The following TENM2 variants were observed in gnomAD, a reference collection of about 807,000 sequenced individuals.
TENM2 encodes the protein teneurin transmembrane protein 2.
Under a neutral mutation model 245.2 loss-of-function variants are expected in TENM2, and 52 were observed. That is an observed-to-expected ratio of 0.21 (90% CI 0.17 to 0.27). The LOEUF (loss-of-function observed/expected upper bound fraction) is 0.27, where lower values mean the gene tolerates loss of function less well. TENM2 is among the 10% of genes least tolerant of loss of function. The pLI, the probability that TENM2 is intolerant of heterozygous loss-of-function variation, is 1.00. For missense variants in TENM2, 3,046 were observed against 3,666.8 expected, an observed-to-expected ratio of 0.83 and a Z score of 4.37; for synonymous variants, 1,363 against 1,438.9, an observed-to-expected ratio of 0.95 and a Z score of 1.19.
intron 3 of TENM2, among the ~76,000 whole-genome samples, chr5:167,949,726 T>C (rs1049497108): frequency 6.6e-6 from 1 of 152,178 alleles, no homozygotes; most frequent in African/African-American, 2.4e-5. Context: ...CCCAGTTCTG[T>C]AGATTTTATC....
chr5:167,605,689 A>G (rs888859368), intron 2 of TENM2, among the ~76,000 whole-genome samples: 1 of 152,206 alleles, frequency 6.6e-6, no homozygotes, highest in Admixed American at 6.5e-5. Context: ...AACTGCAGGT[A>G]TATATACATT....
chr5:167,163,057 A>C, the TENM2 span, among the ~76,000 whole-genome samples: 1 of 152,202 alleles, frequency 6.6e-6, no homozygotes, highest in African/African-American at 2.4e-5. Context: ...CTTTGTTCAG[A>C]GGAACCACCA....
chr5:167,777,353 C>A (rs566948450), intron 2 of TENM2, among the ~76,000 whole-genome samples: 4 of 152,204 alleles, frequency 2.6e-5, no homozygotes, highest in Non-Finnish European at 4.4e-5. Flanking sequence ...TAAATTCATA[C>A]AATGAATAAG....
chr5:167,453,808 T>C (rs939557658), intron 2 of TENM2, among the ~76,000 whole-genome samples: 1 of 152,192 alleles, frequency 6.6e-6, no homozygotes. Flanking sequence ...GATTTTCTTC[T>C]GTGGTTATTT....
At chr5:167,709,782 A>G (rs1454095487) in intron 2 of TENM2, among the ~76,000 whole-genome samples, 1 of 152,208 alleles carries the variant, frequency 6.6e-6, no homozygotes, top group African/African-American at 2.4e-5. Flanking sequence ...AGTGGTTCAA[A>G]AAATGAGAGA....
chr5:167,512,119 T>C (rs1467237634), intron 2 of TENM2, among the ~76,000 whole-genome samples: 1 of 152,184 alleles, frequency 6.6e-6, no homozygotes, highest in African/African-American at 2.4e-5. Context: ...TCAATAAGAT[T>C]TGACTATTAA....
chr5:167,546,239 A>G (rs2127613165), intron 2 of TENM2, among the ~76,000 whole-genome samples: 1 of 152,196 alleles, frequency 6.6e-6, no homozygotes, highest in Non-Finnish European at 1.5e-5. Context: ...GGGCCAAGTT[A>G]TTCATCTCAA....
chr5:167,152,035 T>G, the TENM2 span, among the ~76,000 whole-genome samples: 9 of 152,192 alleles, frequency 5.9e-5, no homozygotes, highest in African/African-American at 2.2e-4. Context: ...TGGGGCCCAG[T>G]TTTGAACCAC....
chr5:167,822,538 G>T (rs1339131649), intron 2 of TENM2, among the ~76,000 whole-genome samples: 1 of 152,178 alleles, frequency 6.6e-6, no homozygotes, highest in Non-Finnish European at 1.5e-5. Flanking sequence ...TTAATTTAAT[G>T]AAACATTAGA....
At chr5:167,553,609 A>T (rs542404145) in intron 2 of TENM2, among the ~76,000 whole-genome samples, 1 of 152,312 alleles carries the variant, frequency 6.6e-6, no homozygotes, top group African/African-American at 2.4e-5. Context: ...GTCATATGTG[A>T]TGAAGAAAAG....
intron 15 of TENM2, 110 bp from the exon 18 acceptor site, chr5:168,198,743 G>A: frequency 7.3e-7 from 1 of 1,363,596 alleles, no homozygotes. Flanking sequence ...AAAGCCCATG[G>A]TCTCCTCTGT....
chr5:168,233,407 C>T (rs1352685218), intron 25 of TENM2, among the ~76,000 whole-genome samples: 1 of 152,136 alleles, frequency 6.6e-6, no homozygotes, highest in Non-Finnish European at 1.5e-5. Context: ...TCCCTGGTGA[C>T]AAGTGCCATG....
chr5:167,775,453 G>C (rs766466186), intron 2 of TENM2, among the ~76,000 whole-genome samples: 12 of 152,146 alleles, frequency 7.9e-5, no homozygotes, highest in Non-Finnish European at 1.6e-4. Context: ...GGTTTAACTG[G>C]GGCCCTCAGC....
rs1189004914 is a variant in TENM2, at chr5:167,985,601, AGAGG to A, written c.948-7342_948-7339del. Among the ~76,000 whole-genome samples, 6 of 152,232 alleles carry A rather than the reference AGAGG, an allele frequency of 3.9e-5. No individual in the cohort carries two copies. In the East Asian group the frequency reaches 1.2e-3, roughly 29 times the overall value. ...TTGTGGGATACGGGGTGAGAGAGAG[AGAGG>A]AAGAGAGAAACAGGAAAAAAGGCAT... is the stretch of plus-strand genomic sequence containing the variant. On this transcript the variant is annotated intron_variant, in intron 4 of 28. Coordinates refer to ENST00000518659, the Ensembl canonical transcript of TENM2.
intron 2 of TENM2, among the ~76,000 whole-genome samples, chr5:167,551,482 G>T (rs1772938745): frequency 6.6e-6 from 1 of 152,200 alleles, no homozygotes; most frequent in African/African-American, 2.4e-5. Flanking sequence ...GAAGTACATA[G>T]TAACTGTATG....
At chr5:167,994,691 G>A (rs769075080) in intron 5 of TENM2, among the ~76,000 whole-genome samples, 7 of 152,218 alleles carry the variant, frequency 4.6e-5, no homozygotes, top group Admixed American at 2.0e-4. Flanking sequence ...GAAAGGTGCC[G>A]TGTTCATCTG....
chr5:167,034,555 G>A, the TENM2 span, among the ~76,000 whole-genome samples: 2 of 146,696 alleles, frequency 1.4e-5, no homozygotes, highest in African/African-American at 2.5e-5. Flanking sequence ...GCGTGAACCC[G>A]AGAGGCGGAG....
chr5:167,375,307 G>A, exon 2 of TENM2: 1 of 1,551,686 alleles, frequency 6.4e-7, no homozygotes, highest in Non-Finnish European at 8.7e-7. Context: ...TTAGCACAGG[G>A]TCTGACGCCG....
chr5:167,636,064 A>G (rs1212646718), intron 2 of TENM2, among the ~76,000 whole-genome samples: 1 of 152,110 alleles, frequency 6.6e-6, no homozygotes, highest in Non-Finnish European at 1.5e-5. Context: ...AGTTATTTTA[A>G]TATGTTTCTA....
Sources: allele counts gnomAD v4.1 joint callset (sites outside exome capture counted in the v4.1 genomes callset), GRCh38; gene constraint gnomAD v4.1.1; transcripts MANE v1.5; gene names NCBI Gene and HGNC (gene_info 2026-07-23, HGNC 2026-07-21).